Variants in WLS observed in about 807,000 individuals in gnomAD.
WLS encodes protein wntless homolog.
In WLS, 23 loss-of-function variants were observed where a neutral mutation model predicts 62.8. That is an observed-to-expected ratio of 0.37 (90% CI 0.26 to 0.52). WLS has a LOEUF of 0.52. WLS is among the 20% of genes least tolerant of loss of function. The pLI, the probability that WLS is intolerant of heterozygous loss-of-function variation, is 0.92. For missense variants in WLS, 615 were observed against 697.3 expected (o/e 0.88, Z 1.33); for synonymous variants, 246 against 244.1 (o/e 1.01, Z -0.07).
intron 2 of WLS, among the ~76,000 whole-genome samples, chr1:68,161,445 G>A (rs1339432646): frequency 2.0e-5 from 3 of 152,166 alleles, no homozygotes; most frequent in Non-Finnish European, 4.4e-5. Flanking sequence ...TTCAGGACCT[G>A]CTGTGCCCAA....
intron 11 of WLS, among the ~76,000 whole-genome samples, chr1:68,110,568 A>G (rs1363117123): frequency 6.6e-6 from 1 of 152,126 alleles, no homozygotes; most frequent in African/African-American, 2.4e-5. Flanking sequence ...GCCTTATTAA[A>G]AAGCTAAAGT....
intron 2 of WLS, among the ~76,000 whole-genome samples, chr1:68,172,984 G>A (rs12030386): frequency 0.05 from 7,642 of 152,226 alleles, 215 homozygotes; most frequent in Middle Eastern, 0.11. Flanking sequence ...GCAGCTGTGC[G>A]GAAGACGGAC....
downstream of WLS, among the ~76,000 whole-genome samples, chr1:68,120,717 TGCGCGC>T (rs56751724): frequency 1.5e-3 from 221 of 145,812 alleles, no homozygotes; most frequent in Middle Eastern, 3.4e-3. Context: ...TGTGTGTGTG[TGCGCGC>T]GCGCACATGT....
intron 2 of WLS, among the ~76,000 whole-genome samples, chr1:68,179,012 T>C (rs1004659772): frequency 1.3e-5 from 2 of 152,192 alleles, no homozygotes; most frequent in Admixed American, 1.3e-4. Context: ...TTTTTTAATG[T>C]CAGACTAAAA....
At chr1:68,100,163 G>T (rs1436144819) in intron 11 of WLS, among the ~76,000 whole-genome samples, 4 of 152,208 alleles carry the variant, frequency 2.6e-5, no homozygotes, top group Non-Finnish European at 5.9e-5. Flanking sequence ...TTGTGTTACA[G>T]TGCAGGAAAC....
chr1:68,160,016 C>A (rs1032651570), intron 2 of WLS, among the ~76,000 whole-genome samples: 1 of 150,400 alleles, frequency 6.6e-6, no homozygotes, highest in Non-Finnish European at 1.5e-5. Flanking sequence ...AAACATTGCA[C>A]CTATTAATTT....
At chr1:68,202,525 G>A (rs1040951412) in intron 1 of WLS, 5 of 152,102 alleles carry the variant, frequency 3.3e-5, no homozygotes, top group Non-Finnish European at 7.4e-5. Flanking sequence ...CATCACTCCA[G>A]AAATACTCAA....
intron 6 of WLS, 64 bp from the exon 7 acceptor site, chr1:68,148,724 G>T: frequency 6.7e-7 from 1 of 1,498,944 alleles, no homozygotes; most frequent in Non-Finnish European, 9.2e-7. Context: ...TTCTATGGGG[G>T]AGTCAGCATT....
At chr1:68,124,828 A>C (rs1344901640), downstream of WLS, among the ~76,000 whole-genome samples, 1 of 152,214 alleles carries the variant, frequency 6.6e-6, no homozygotes, top group Non-Finnish European at 1.5e-5. Context: ...TCCAGACCTC[A>C]GTGTCTGAAA....
intron 1 of WLS, among the ~76,000 whole-genome samples, chr1:68,223,527 G>A: frequency 6.6e-6 from 1 of 152,190 alleles, no homozygotes; most frequent in East Asian, 1.9e-4. Flanking sequence ...CCAGATCTAA[G>A]AACAGAGAGG....
chr1:68,166,559 G>T (rs1647062713), intron 2 of WLS, among the ~76,000 whole-genome samples: 1 of 152,138 alleles, frequency 6.6e-6, no homozygotes, highest in Non-Finnish European at 1.5e-5. Flanking sequence ...AAACACAGTA[G>T]AATTCAAAAG....
intron 4 of WLS, among the ~76,000 whole-genome samples, chr1:68,154,045 T>C (rs549432313): frequency 6.6e-6 from 1 of 152,250 alleles, no homozygotes; most frequent in African/African-American, 2.4e-5. Flanking sequence ...AGATACACTT[T>C]AGAGGTACGG....
Position 68,125,556 on chromosome 1 carries a change from A to T in WLS, c.*670T>A. On this transcript the variant is annotated 3_prime_UTR_variant, in exon 12 of 12. Coordinates refer to ENST00000262348, the MANE Select transcript of WLS (RefSeq NM_024911.7). ...TAAATCTTACTTGGGTAGTTTAGCAAACATTTTTTAAAACCCACATCCAAC... is the reference window on the plus strand; with the variant it reads ...TAAATCTTACTTGGGTAGTTTAGCATACATTTTTTAAAACCCACATCCAAC... 4.1e-6 allele frequency: 4 copies of T among 985,468 alleles called. No individual in the cohort carries two copies. Among genetic ancestry groups the T allele is most frequent in the Non-Finnish European group, 4.8e-6 (4 of 829,938 alleles). 61.0% of individuals were successfully genotyped at this position (985,468 alleles called of 1,614,324 possible).
chr1:68,220,843 A>G (rs1325402217), intron 1 of WLS, among the ~76,000 whole-genome samples: 1 of 152,232 alleles, frequency 6.6e-6, no homozygotes, highest in Non-Finnish European at 1.5e-5. Flanking sequence ...TTTCCTTTAC[A>G]GAGCTGCTTT....
chr1:68,165,407 T>C (rs1365375485), intron 2 of WLS, among the ~76,000 whole-genome samples: 1 of 152,104 alleles, frequency 6.6e-6, no homozygotes, highest in Non-Finnish European at 1.5e-5. Context: ...ACCCCCTCAC[T>C]TCTAGACCAC....
intron 10 of WLS, among the ~76,000 whole-genome samples, chr1:68,140,621 C>T (rs768965015): frequency 4.6e-5 from 7 of 152,198 alleles, no homozygotes; most frequent in African/African-American, 4.8e-5. Flanking sequence ...CGTACTTGCT[C>T]TGGGACACAT....
intron 11 of WLS, among the ~76,000 whole-genome samples, chr1:68,105,136 A>G (rs1161695529): frequency 1.3e-5 from 2 of 152,168 alleles, no homozygotes; most frequent in Non-Finnish European, 2.9e-5. Flanking sequence ...CTCTTTTCCA[A>G]TTCATTGACA....
intron 2 of WLS, chr1:68,183,688 T>C: frequency 3.5e-6 from 1 of 281,902 alleles, no homozygotes; most frequent in South Asian, 3.2e-5. Flanking sequence ...TTTATTCCAG[T>C]TGTCTTCCCT....
At chr1:68,100,601 C>G (rs1355022244) in intron 11 of WLS, 1 of 152,162 alleles carries the variant, frequency 6.6e-6, no homozygotes, top group Non-Finnish European at 1.5e-5. Context: ...ATTGTCTAAA[C>G]TGGCAAAAGT....
Sources: gnomAD v4.1 joint callset for allele counts (sites outside exome capture counted in the v4.1 genomes callset) on GRCh38, gnomAD v4.1.1 for gene constraint, MANE v1.5 for transcripts, NCBI Gene and HGNC (gene_info 2026-07-23, HGNC 2026-07-21) for gene names.